EPHB1: variants seen among roughly 807,000 people sequenced by gnomAD.
EPHB1 encodes the protein ephrin type-B receptor 1.
Under a neutral mutation model 94.4 loss-of-function variants are expected in EPHB1, and 30 were observed. That is an observed-to-expected ratio of 0.32 (90% CI 0.24 to 0.43). The LOEUF is 0.43. EPHB1 is among the 20% of genes least tolerant of loss of function. EPHB1 has a pLI of 1.00. For synonymous variants in EPHB1, 522 were observed against 489.1 expected (o/e 1.07, Z -0.89); for missense variants, 1,055 against 1,308.3 (o/e 0.81, Z 2.99).
intron 1 of EPHB1, among the ~76,000 whole-genome samples, chr3:134,895,291 T>A (rs2038067069): frequency 6.6e-6 from 1 of 152,172 alleles, no homozygotes; most frequent in South Asian, 2.1e-4. Context: ...TCTCATTCTT[T>A]ATTTGCTGGC....
At chr3:135,255,215 A>G (rs1933324050) in intron 15 of EPHB1, among the ~76,000 whole-genome samples, 1 of 151,438 alleles carries the variant, frequency 6.6e-6, no homozygotes, top group Non-Finnish European at 1.5e-5. Flanking sequence ...TATTTCCTTC[A>G]GTTCTGCTCT....
At chr3:134,809,384 A>T (rs919951625) in intron 1 of EPHB1, among the ~76,000 whole-genome samples, 80 of 149,588 alleles carry the variant, frequency 5.3e-4, no homozygotes, top group African/African-American at 1.9e-3. Context: ...TTTTTTTTTA[A>T]AAAAACACAG....
intron 3 of EPHB1, among the ~76,000 whole-genome samples, chr3:135,099,089 T>C (rs533291928): frequency 1.6e-5 from 2 of 126,952 alleles, no homozygotes; most frequent in East Asian, 5.6e-4. Flanking sequence ...TTCTCTAATA[T>C]TAATATCATA....
At chr3:134,823,389 A>G (rs1256554001) in intron 1 of EPHB1, among the ~76,000 whole-genome samples, 1 of 152,170 alleles carries the variant, frequency 6.6e-6, no homozygotes, top group Non-Finnish European at 1.5e-5. Context: ...TCTCATCCCC[A>G]TACCCTAATG....
At chr3:135,207,448 G>GGA (rs386397985) in intron 12 of EPHB1, among the ~76,000 whole-genome samples, 1 of 1,372 alleles carries the variant, frequency 7.3e-4, no homozygotes, top group African/African-American at 8.7e-4. Flanking sequence ...GCCACAAGCT[G>GGA]GGGACATAAT....
chr3:134,810,262 G>A (rs943958347), intron 1 of EPHB1, among the ~76,000 whole-genome samples: 2 of 142,876 alleles, frequency 1.4e-5, no homozygotes, highest in Non-Finnish European at 1.5e-5. Flanking sequence ...TTGAAGCGTG[G>A]GTAGCACAGG....
chr3:135,159,230 T>G (rs1941445488), intron 6 of EPHB1, among the ~76,000 whole-genome samples: 1 of 152,214 alleles, frequency 6.6e-6, no homozygotes, highest in Non-Finnish European at 1.5e-5. Flanking sequence ...CTCTTACTGA[T>G]TTGCCTGAAA....
chr3:135,074,119 C>G (rs191621632), intron 3 of EPHB1, among the ~76,000 whole-genome samples: 94 of 152,286 alleles, frequency 6.2e-4, no homozygotes, highest in African/African-American at 2.2e-3. Context: ...CATATATTAA[C>G]TGAAATATTT....
rs527822846 is a variant in EPHB1, at chr3:134,910,177, A to G, written c.59-15639A>G. On this transcript the variant is annotated intron_variant, in intron 1 of 15. Transcript: ENST00000398015. Reference sequence around the variant, plus strand: ...AAGTTATCTAGTCCCTAAGGCTGCAAGTAGCTTTTTGAGTGTGACTGCTCT... The same window carrying G: ...AAGTTATCTAGTCCCTAAGGCTGCAGGTAGCTTTTTGAGTGTGACTGCTCT... 1.4e-3 allele frequency among the ~76,000 whole-genome samples: 216 copies of G among 152,244 alleles called. 1 individual carries two copies. The highest frequency in any genetic ancestry group is 5.0e-3 in the African/African-American group (206 of 41,532).
intron 3 of EPHB1, among the ~76,000 whole-genome samples, chr3:135,076,310 G>T (rs1036407797): frequency 6.8e-6 from 1 of 147,952 alleles, no homozygotes; most frequent in African/African-American, 2.6e-5. Flanking sequence ...TTAAAAATGA[G>T]CAAAAATATG....
chr3:135,229,340 A>T (rs1943477707), intron 12 of EPHB1, among the ~76,000 whole-genome samples: 1 of 152,190 alleles, frequency 6.6e-6, no homozygotes, highest in South Asian at 2.1e-4. Context: ...AACTGCTGGG[A>T]TTGTTTGCGG....
rs576733186 is a variant in EPHB1, at chr3:134,834,042, A to T, written c.58+38353A>T. ...CCCTGACACTTGGGTGGTGGAGGGG[A>T]GGCAGCTAAGATGGGGTGTGGTGGA... On this transcript the variant is annotated intron_variant, in intron 1 of 15. Transcript: ENST00000398015. Among the ~76,000 whole-genome samples the T allele has an allele frequency of 1.6e-4, 25 of 152,174 alleles. 2 individuals carry two copies. In the South Asian group the frequency reaches 5.2e-3, roughly 32 times the overall value.
intron 12 of EPHB1, among the ~76,000 whole-genome samples, chr3:135,226,448 A>G (rs1412343129): frequency 6.6e-6 from 1 of 152,224 alleles, no homozygotes; most frequent in Non-Finnish European, 1.5e-5. Flanking sequence ...CTGAGATATC[A>G]AGGAGAATGG....
chr3:135,053,645 G>A (rs148696864), intron 3 of EPHB1, among the ~76,000 whole-genome samples: 4 of 152,262 alleles, frequency 2.6e-5, no homozygotes, highest in Admixed American at 6.5e-5. Context: ...CAGTCATGTT[G>A]ATGAAAATAT....
intron 12 of EPHB1, among the ~76,000 whole-genome samples, chr3:135,231,768 C>G (rs1036096404): frequency 4.6e-5 from 7 of 152,206 alleles, no homozygotes; most frequent in Admixed American, 6.5e-5. Context: ...TGTCTTTTCT[C>G]CCAGCTCTCT....
Position 135,038,673 on chromosome 3 carries a change from C to T in EPHB1, c.806-67775C>T, listed in dbSNP as rs144105123. Reference sequence around the variant, plus strand: ...GTCCCTTCTGATATTCAGATGTGTTCGGAGTTTCTTCCTTCTGGTGGGTTC... The same window carrying T: ...GTCCCTTCTGATATTCAGATGTGTTTGGAGTTTCTTCCTTCTGGTGGGTTC... On this transcript the variant is annotated intron_variant, in intron 3 of 15. Transcript: ENST00000398015. Among the ~76,000 whole-genome samples the T allele has an allele frequency of 4.2e-3, 642 of 151,950 alleles. 3 individuals are homozygous for T. Among genetic ancestry groups the T allele is most frequent in the African/African-American group, 0.015 (612 of 41,422 alleles).
chr3:135,187,098 CCACTAGACTGACCTA>C (rs1278258780), intron 10 of EPHB1, among the ~76,000 whole-genome samples: 1 of 152,172 alleles, frequency 6.6e-6, no homozygotes, highest in Non-Finnish European at 1.5e-5. Context: ...AGCACATTGG[CCACTAGACTGACCTA>C]CACCTGGATC....
At chr3:135,104,899 C>A (rs1939155639) in intron 3 of EPHB1, among the ~76,000 whole-genome samples, 1 of 152,222 alleles carries the variant, frequency 6.6e-6, no homozygotes, top group Non-Finnish European at 1.5e-5. Flanking sequence ...GCATAGGAAA[C>A]AATTCTTTCT....
chr3:134,954,790 C>T (rs1390346627), intron 3 of EPHB1, among the ~76,000 whole-genome samples: 1 of 152,208 alleles, frequency 6.6e-6, no homozygotes, highest in Non-Finnish European at 1.5e-5. Flanking sequence ...ATTTTCTTGG[C>T]TTTCACTTTG....
Sources: allele counts gnomAD v4.1 joint callset (sites outside exome capture counted in the v4.1 genomes callset), GRCh38; gene constraint gnomAD v4.1.1; transcripts MANE v1.5; gene names NCBI Gene and HGNC (gene_info 2026-07-23, HGNC 2026-07-21).